Variants in EVL observed in about 807,000 individuals in gnomAD.
EVL encodes Enah/Vasp-like.
A neutral mutation model predicts 59.6 loss-of-function variants in EVL; 21 were observed. The ratio of observed to expected loss-of-function variants is 0.35; its 90% CI spans 0.25 to 0.51. The LOEUF (loss-of-function observed/expected upper bound fraction) is 0.51. Among genes scored for constraint, EVL ranks in the 20% least tolerant of loss-of-function variants. The pLI, the probability that EVL is intolerant of heterozygous loss-of-function variation, is 0.97. For missense variants in EVL, 462 were observed against 546.6 expected (o/e 0.85, Z 1.54); for synonymous variants, 198 against 203.5 (o/e 0.97, Z 0.23).
At chr14:100,002,945 A>G (rs949076754) in intron 1 of EVL, among the ~76,000 whole-genome samples, 4 of 152,208 alleles carry the variant, frequency 2.6e-5, no homozygotes, top group African/African-American at 9.6e-5. Flanking sequence ...TCTTGACCAT[A>G]ATATATAACT....
intron 1 of EVL, among the ~76,000 whole-genome samples, chr14:99,995,694 A>G (rs917815515): frequency 3.9e-5 from 6 of 152,090 alleles, no homozygotes; most frequent in African/African-American, 1.4e-4. Flanking sequence ...GAGTATTTGA[A>G]AAAACAGCAC....
At chr14:100,034,963 G>T (rs1358143843) in intron 1 of EVL, among the ~76,000 whole-genome samples, 1 of 152,178 alleles carries the variant, frequency 6.6e-6, no homozygotes, top group Non-Finnish European at 1.5e-5. Context: ...TTTTGAAATT[G>T]TTGTTTACCA....
At chr14:100,089,987 A>G (rs888563240) in intron 2 of EVL, among the ~76,000 whole-genome samples, 3 of 152,220 alleles carry the variant, frequency 2.0e-5, no homozygotes, top group Non-Finnish European at 2.9e-5. Context: ...ATAAATGCAT[A>G]TATTAGAAAA....
intron 1 of EVL, among the ~76,000 whole-genome samples, chr14:100,007,784 A>G (rs1400264356): frequency 6.6e-6 from 1 of 152,186 alleles, no homozygotes; most frequent in East Asian, 1.9e-4. Context: ...GGAGAGAGAG[A>G]GAGAGAGAGG....
rs8019839 is a variant in EVL, at chr14:100,088,956, A to G, written c.180+4101A>G. Reference sequence around the variant, plus strand: ...AAAAGTTGAAAGTAAAAAATTGGAAAAAGATAAACCTTACAAACACCAAAA... The same window carrying G: ...AAAAGTTGAAAGTAAAAAATTGGAAGAAGATAAACCTTACAAACACCAAAA... On this transcript the variant is annotated intron_variant, in intron 2 of 13. Transcript: ENST00000392920. 5.5e-4 allele frequency among the ~76,000 whole-genome samples: 84 copies of G among 152,370 alleles called. 1 individual carries two copies. The highest frequency in any genetic ancestry group is 2.0e-3 in the African/African-American group (82 of 41,584).
chr14:100,015,292 G>A (rs1595563682), intron 1 of EVL, among the ~76,000 whole-genome samples: 2 of 152,200 alleles, frequency 1.3e-5, no homozygotes, highest in Non-Finnish European at 2.9e-5. Flanking sequence ...GTTGCAAAAC[G>A]AAGGTACCGG....
intron 1 of EVL, among the ~76,000 whole-genome samples, chr14:100,029,531 G>A (rs1408077459): frequency 6.6e-6 from 1 of 152,216 alleles, no homozygotes; most frequent in Non-Finnish European, 1.5e-5. Flanking sequence ...GCATGGAGTA[G>A]CAGGTAGCAA....
intron 1 of EVL, among the ~76,000 whole-genome samples, chr14:100,029,752 G>A (rs1290385455): frequency 1.3e-5 from 2 of 152,160 alleles, no homozygotes; most frequent in Non-Finnish European, 2.9e-5. Flanking sequence ...CTGAGGTATA[G>A]GAACAGGGGG....
At chr14:99,997,769 A>G (rs889404504) in intron 1 of EVL, among the ~76,000 whole-genome samples, 2 of 152,064 alleles carry the variant, frequency 1.3e-5, no homozygotes, top group Admixed American at 6.5e-5. Context: ...CCTGATGTCA[A>G]CCTCTGCCCT....
intron 1 of EVL, among the ~76,000 whole-genome samples, chr14:100,012,299 T>C (rs2061021590): frequency 6.6e-6 from 1 of 152,354 alleles, no homozygotes; most frequent in South Asian, 2.1e-4. Flanking sequence ...AGGCCTGAAG[T>C]GCGTCTGAAT....
intron 1 of EVL, among the ~76,000 whole-genome samples, chr14:100,030,893 G>A (rs943817169): frequency 1.3e-5 from 2 of 152,146 alleles, no homozygotes; most frequent in African/African-American, 4.8e-5. Flanking sequence ...ACGTTTCTCC[G>A]TGTCCTATTT....
chr14:99,976,804 C>T (rs1253278579), intron 1 of EVL, among the ~76,000 whole-genome samples: 1 of 152,196 alleles, frequency 6.6e-6, no homozygotes, highest in African/African-American at 2.4e-5. Context: ...CCTTTACTCT[C>T]CACCCCAGCG....
Position 100,109,759 on chromosome 14 carries a change from AC to A in EVL, c.358+12105del. On this transcript the variant is annotated intron_variant, in intron 3 of 13. Coordinates refer to ENST00000392920, the MANE Select transcript of EVL (RefSeq NM_016337.3). This position sits in a 1 kb window ranked among gnomAD's most constrained non-coding sequence, Gnocchi z 4.3. Reference sequence around the variant, plus strand: ...CCGTCACCTTGGCCTACTTATCACCACCCCAAACAGAGGAACACGCCTTCTC... The same window carrying A: ...CCGTCACCTTGGCCTACTTATCACCACCCAAACAGAGGAACACGCCTTCTC... 1 of 521,358 alleles carries A rather than the reference AC, an allele frequency of 1.9e-6. No homozygotes were observed. The highest frequency in any genetic ancestry group is 4.0e-6 in the Non-Finnish European group (1 of 252,614). The allele number at this position is 521,358 out of a possible 1,614,324, so 32.3% of individuals were successfully genotyped here.
At chr14:100,120,925 C>G (rs1378483887) in intron 3 of EVL, among the ~76,000 whole-genome samples, 1 of 152,186 alleles carries the variant, frequency 6.6e-6, no homozygotes, top group Non-Finnish European at 1.5e-5. Context: ...CGACACAGCA[C>G]CAACAAGACT....
intron 1 of EVL, among the ~76,000 whole-genome samples, chr14:99,998,278 A>C (rs1229515920): frequency 6.6e-6 from 1 of 152,084 alleles, no homozygotes; most frequent in Non-Finnish European, 1.5e-5. Flanking sequence ...CAGCCTCCCA[A>C]AGTGCTGGGA....
chr14:100,013,172 C>G (rs2140194119), intron 1 of EVL, among the ~76,000 whole-genome samples: 1 of 152,222 alleles, frequency 6.6e-6, no homozygotes, highest in Non-Finnish European at 1.5e-5. Flanking sequence ...CATTCTAGTT[C>G]CATCCCCAGG....
chr14:100,035,380 G>A (rs2061373684), intron 1 of EVL, among the ~76,000 whole-genome samples: 1 of 151,190 alleles, frequency 6.6e-6, no homozygotes, highest in Admixed American at 6.6e-5. Context: ...CTCAGATGGG[G>A]CCATCTGTTT....
At chr14:100,128,490 G>C in intron 5 of EVL, 29 bp from the exon 6 acceptor site, 1 of 1,611,334 alleles carries the variant, frequency 6.2e-7, no homozygotes, top group Non-Finnish European at 8.5e-7. Flanking sequence ...GGGTGCTGGA[G>C]CTGGCTGAGC....
At chr14:100,105,012 C>T (rs932589749) in intron 3 of EVL, among the ~76,000 whole-genome samples, 1 of 150,880 alleles carries the variant, frequency 6.6e-6, no homozygotes, top group Non-Finnish European at 1.5e-5. Context: ...CCACGGGGCC[C>T]CAGGGTCAGA....
Sources: allele counts gnomAD v4.1 joint callset (sites outside exome capture counted in the v4.1 genomes callset), GRCh38; gene constraint gnomAD v4.1.1; non-coding constraint Gnocchi (gnomAD v3.1); transcripts MANE v1.5; gene names NCBI Gene and HGNC (gene_info 2026-07-23, HGNC 2026-07-21).